The following RNF13 variants were observed in gnomAD, a reference collection of about 807,000 sequenced individuals.
RNF13 encodes ring finger protein 13, also known as E3 ubiquitin-protein ligase RNF13.
RNF13 carries 19 observed loss-of-function variants against 37.7 expected under a neutral mutation model. The ratio of observed to expected loss-of-function variants is 0.50; its 90% CI spans 0.35 to 0.74. RNF13 has a LOEUF of 0.74. Ranked by LOEUF, RNF13 falls within the 30% of genes least tolerant of loss-of-function variation. The pLI, the probability that RNF13 is intolerant of heterozygous loss-of-function variation, is 0.01. For missense variants in RNF13, 375 were observed against 453.0 expected (o/e 0.83, Z 1.56); for synonymous variants, 144 against 157.8 (o/e 0.91, Z 0.65).
At position 149,848,909 on chromosome 3, in the gene RNF13, G is replaced by A. The variant is rs536976858; in HGVS notation, c.114+2769G>A. On this transcript the variant is annotated intron_variant, in intron 2 of 9. Coordinates refer to ENST00000392894, the MANE Select transcript of RNF13 (RefSeq NM_183381.3). ...ACCTCTAGGCCATGAGTACTTGGAA[G>A]GCAGGACTGTGTCTTACTAAACTTT... 2.6e-5 allele frequency among the ~76,000 whole-genome samples: 4 copies of A among 152,224 alleles called. No homozygotes were observed. The South Asian group carries it at 8.3e-4, about 32-fold the overall frequency.
intron 8 of RNF13, among the ~76,000 whole-genome samples, chr3:149,940,556 A>G (rs748002265): frequency 6.6e-6 from 1 of 152,134 alleles, no homozygotes; most frequent in African/African-American, 2.4e-5. Flanking sequence ...ATTCTGACCT[A>G]TATCATTTTT....
chr3:149,822,354 A>G (rs1048278510), intron 1 of RNF13, among the ~76,000 whole-genome samples: 1 of 151,884 alleles, frequency 6.6e-6, no homozygotes, highest in Admixed American at 6.6e-5. Flanking sequence ...CCTTTGTTAT[A>G]TTTATTCCTG....
Position 149,823,640 on chromosome 3 carries a change from T to G in RNF13, c.-17+10287T>G, listed in dbSNP as rs549255689. Among the ~76,000 whole-genome samples, 158 of 152,216 alleles carry G rather than the reference T, an allele frequency of 1.0e-3. 1 individual carries two copies. Among genetic ancestry groups the G allele is most frequent in the African/African-American group, 3.7e-3 (155 of 41,560 alleles). ...TTGTACAGCAAGAAAATAGACAAAG[T>G]CATGTGTCAGCCATATAAAGCAGTA... On this transcript the variant is annotated intron_variant, in intron 1 of 9. Coordinates refer to ENST00000392894, the MANE Select transcript of RNF13 (RefSeq NM_183381.3).
intron 3 of RNF13, among the ~76,000 whole-genome samples, chr3:149,860,750 G>T (rs1724176952): frequency 6.6e-6 from 1 of 152,038 alleles, no homozygotes; most frequent in Non-Finnish European, 1.5e-5. Flanking sequence ...ACAACAAAAA[G>T]AAAAATAGAC....
chr3:149,855,757 C>T (rs1006227787), intron 3 of RNF13, among the ~76,000 whole-genome samples: 1 of 152,060 alleles, frequency 6.6e-6, no homozygotes, highest in African/African-American at 2.4e-5. Context: ...TTTGCAAAGG[C>T]TGTGCTAATT....
intron 8 of RNF13, among the ~76,000 whole-genome samples, chr3:149,936,676 G>C (rs915333017): frequency 6.6e-6 from 1 of 151,962 alleles, no homozygotes; most frequent in Admixed American, 6.6e-5. Context: ...TTGAATTCTT[G>C]ATCAGAGAAC....
At chr3:149,926,307 G>C (rs1278658872) in intron 8 of RNF13, among the ~76,000 whole-genome samples, 1 of 152,118 alleles carries the variant, frequency 6.6e-6, no homozygotes, top group African/African-American at 2.4e-5. Flanking sequence ...CGCCTCCCGA[G>C]TTCACACTAT....
chr3:149,882,692 G>T lies in RNF13; in HGVS notation c.321+10538G>T, dbSNP rs1428450183. On this transcript the variant is annotated intron_variant, in intron 4 of 9. Transcript: ENST00000392894. Reference sequence around the variant, plus strand: ...ATGCACTTACCTTTACTAAGTGCAGGATGATTTTGTTTTTATTTTCAATTT... The same window carrying T: ...ATGCACTTACCTTTACTAAGTGCAGTATGATTTTGTTTTTATTTTCAATTT... Among the ~76,000 whole-genome samples, 5 of 152,212 alleles carry T rather than the reference G, an allele frequency of 3.3e-5. No individual in the cohort carries two copies. The South Asian group carries it at 1.0e-3, about 32-fold the overall frequency.
At chr3:149,913,267 CA>C (rs138298255) in intron 7 of RNF13, among the ~76,000 whole-genome samples, 2 of 151,558 alleles carry the variant, frequency 1.3e-5, no homozygotes, top group Non-Finnish European at 1.5e-5. Flanking sequence ...TTCTTGCTAC[CA>C]AAAAAAGGAT....
At chr3:149,889,139 A>T (rs561202247) in intron 4 of RNF13, among the ~76,000 whole-genome samples, 7 of 147,540 alleles carry the variant, frequency 4.7e-5, no homozygotes, top group East Asian at 4.2e-4. Context: ...GGGTTTCACC[A>T]TGTTGGCCAG....
At chr3:149,944,062 T>G (rs1347780027) in intron 8 of RNF13, among the ~76,000 whole-genome samples, 1 of 144,160 alleles carries the variant, frequency 6.9e-6, no homozygotes, top group African/African-American at 2.5e-5. Context: ...AGATGTGGTG[T>G]TTGGTTTTTT....
intron 8 of RNF13, among the ~76,000 whole-genome samples, chr3:149,943,382 A>G (rs1720457708): frequency 6.6e-6 from 1 of 152,078 alleles, no homozygotes; most frequent in African/African-American, 2.4e-5. Flanking sequence ...GTTGCAACTG[A>G]TGAATGTACA....
chr3:149,939,844 A>C, intron 8 of RNF13: 101 of 486,054 alleles, frequency 2.1e-4, no homozygotes, highest in East Asian at 4.2e-4. Flanking sequence ...GACAGAGATA[A>C]ACGACTGCTG....
intron 4 of RNF13, among the ~76,000 whole-genome samples, chr3:149,884,807 T>C (rs760781108): frequency 6.6e-6 from 1 of 152,100 alleles, no homozygotes; most frequent in African/African-American, 2.4e-5. Flanking sequence ...TTATTAACTA[T>C]AGTAACCCTG....
At chr3:149,818,870 C>CA (rs1361667993) in intron 1 of RNF13, among the ~76,000 whole-genome samples, 1 of 152,036 alleles carries the variant, frequency 6.6e-6, no homozygotes, top group African/African-American at 2.4e-5. Flanking sequence ...AAGACCGCGG[C>CA]ACTGTACTCC....
chr3:149,876,418 A>C (rs990890859), intron 4 of RNF13, among the ~76,000 whole-genome samples: 1 of 152,156 alleles, frequency 6.6e-6, no homozygotes, highest in African/African-American at 2.4e-5. Flanking sequence ...TGGATTGTAG[A>C]TGATAAGGAA....
At chr3:149,833,159 G>C (rs1333204475) in intron 1 of RNF13, among the ~76,000 whole-genome samples, 1 of 106,492 alleles carries the variant, frequency 9.4e-6, no homozygotes, top group Non-Finnish European at 1.7e-5. Flanking sequence ...TCACTCTGTT[G>C]CCTAGGCTGG....
chr3:149,961,091 C>T lies in RNF13; in HGVS notation c.1133C>T (p.Ala378Val), dbSNP rs753929579. The T allele has an allele frequency of 3.7e-6, 6 of 1,602,202 alleles. No individual in the cohort carries two copies. The African/African-American group carries it at 8.1e-5, about 21-fold the overall frequency. ...AATGGTGAACGGGATTACAACATAG[C>T]AAATACTGTTTGACTTTCAGAAGAT... is the stretch of plus-strand genomic sequence containing the variant. ...QPNGERDYNI[A>V]NTV is the part of the protein sequence containing the mutation. The change falls in exon 10 of 10, where the codon GCA becomes GTA. Residue 378 changes from alanine (A) to valine (V), a missense_variant. Transcript: ENST00000392894.
intron 8 of RNF13, among the ~76,000 whole-genome samples, chr3:149,941,949 C>T (rs1282044576): frequency 6.8e-6 from 1 of 147,432 alleles, no homozygotes; most frequent in Non-Finnish European, 1.5e-5. Context: ...TTTCCCAGTA[C>T]CATTTGTTAA....
Sources: allele counts gnomAD v4.1 joint callset (sites outside exome capture counted in the v4.1 genomes callset), GRCh38; gene constraint gnomAD v4.1.1; transcripts MANE v1.5; gene names NCBI Gene and HGNC (gene_info 2026-07-23, HGNC 2026-07-21).